The following HTR1F variants were observed in gnomAD, a reference collection of about 807,000 sequenced individuals.
HTR1F encodes the protein 5-hydroxytryptamine receptor 1F.
In HTR1F, 17 loss-of-function variants were observed where a neutral mutation model predicts 24.0. That is an observed-to-expected ratio of 0.71 (90% confidence interval 0.48 to 1.06). The LOEUF is 1.06. Ranked by LOEUF, HTR1F falls within the 50% of genes least tolerant of loss-of-function variation. The pLI is 0.00. For missense variants in HTR1F, 391 were observed against 427.8 expected, an observed-to-expected ratio of 0.91 and a Z score of 0.76; for synonymous variants, 186 against 156.8, an observed-to-expected ratio of 1.19 and a Z score of -1.39.
At chr3:87,933,141 C>G (rs972996100) in intron 2 of HTR1F, among the ~76,000 whole-genome samples, 4 of 151,924 alleles carry the variant, frequency 2.6e-5, no homozygotes, top group Non-Finnish European at 5.9e-5. Context: ...AGGCCTTTCA[C>G]AAAATTCAAC....
intron 2 of HTR1F, among the ~76,000 whole-genome samples, chr3:87,887,505 C>T (rs1393033939): frequency 6.6e-6 from 1 of 152,108 alleles, no homozygotes; most frequent in African/African-American, 2.4e-5. Flanking sequence ...AGCTTCTGCA[C>T]AGCAAAAGAA....
intron 2 of HTR1F, among the ~76,000 whole-genome samples, chr3:87,856,630 A>T (rs1705204974): frequency 6.6e-6 from 1 of 152,170 alleles, no homozygotes; most frequent in African/African-American, 2.4e-5. Flanking sequence ...ATTTCTTCCA[A>T]CAGTACAGAG....
chr3:87,809,495 A>C (rs1304669742), intron 1 of HTR1F, among the ~76,000 whole-genome samples: 1 of 152,066 alleles, frequency 6.6e-6, no homozygotes, highest in Non-Finnish European at 1.5e-5. Context: ...TTTCTAATTG[A>C]CAAACTTAAC....
At chr3:87,840,587 C>T (rs1704780659) in intron 2 of HTR1F, among the ~76,000 whole-genome samples, 1 of 152,110 alleles carries the variant, frequency 6.6e-6, no homozygotes, top group East Asian at 1.9e-4. Flanking sequence ...TCCAGCAATC[C>T]CACTACTGGA....
intron 2 of HTR1F, among the ~76,000 whole-genome samples, chr3:87,899,207 A>C (rs2107321688): frequency 6.6e-6 from 1 of 152,362 alleles, no homozygotes; most frequent in East Asian, 1.9e-4. Flanking sequence ...AAACCAAAGC[A>C]ACTGATATCC....
intron 2 of HTR1F, among the ~76,000 whole-genome samples, chr3:87,838,152 A>G (rs1386059222): frequency 6.6e-6 from 1 of 152,168 alleles, no homozygotes. Context: ...AATAATTGCT[A>G]ATAGAAATTG....
At chr3:87,968,531 G>A (rs1040430451) in intron 2 of HTR1F, among the ~76,000 whole-genome samples, 6 of 151,968 alleles carry the variant, frequency 3.9e-5, no homozygotes, top group Admixed American at 1.3e-4. Flanking sequence ...AAATTTCTAA[G>A]CAGCAAAGAA....
In HTR1F at chr3:87,957,336, A is replaced by G. The variant is rs1704966110; in HGVS notation, c.-42-33372A>G. On this transcript the variant is annotated intron_variant, in intron 2 of 2. Transcript: ENST00000319595. ...GGTCAGGATATGTTATCTTTTATAAATATTGCAGGATTCAACTGCTAACAT... is the reference window on the plus strand; with the variant it reads ...GGTCAGGATATGTTATCTTTTATAAGTATTGCAGGATTCAACTGCTAACAT... 2.0e-5 allele frequency among the ~76,000 whole-genome samples: 3 copies of G among 151,484 alleles called. No individual in the cohort carries two copies. In the South Asian group the frequency reaches 6.2e-4, roughly 31 times the overall value.
chr3:87,805,975 T>A (rs548944911), intron 1 of HTR1F, among the ~76,000 whole-genome samples: 34 of 152,012 alleles, frequency 2.2e-4, no homozygotes, highest in Non-Finnish European at 4.7e-4. Context: ...TGAGAGCAAC[T>A]TTTTTTAGCT....
chr3:87,859,067 G>C (rs542048341), intron 2 of HTR1F, among the ~76,000 whole-genome samples: 1 of 152,256 alleles, frequency 6.6e-6, no homozygotes, highest in South Asian at 2.1e-4. Context: ...CTTGGTGGTA[G>C]ATGCCTGTAA....
chr3:87,859,439 G>T (rs2107225644), intron 2 of HTR1F, among the ~76,000 whole-genome samples: 1 of 152,290 alleles, frequency 6.6e-6, no homozygotes, highest in East Asian at 1.9e-4. Flanking sequence ...ATAGAATGCT[G>T]CTTCTACAGT....
chr3:87,871,940 C>T (rs1705567484), intron 2 of HTR1F, among the ~76,000 whole-genome samples: 1 of 152,018 alleles, frequency 6.6e-6, no homozygotes, highest in South Asian at 2.1e-4. Context: ...ATATTCTACC[C>T]AACAACAGTG....
chr3:87,807,837 T>C (rs1320540342), intron 1 of HTR1F, among the ~76,000 whole-genome samples: 2 of 151,994 alleles, frequency 1.3e-5, no homozygotes, highest in Non-Finnish European at 2.9e-5. Flanking sequence ...GAAAGGATGA[T>C]GAATTTTATT....
rs1703591652 is a variant in HTR1F, at chr3:87,903,896, C to G, written c.-43+81772C>G. 2.0e-5 allele frequency among the ~76,000 whole-genome samples: 3 copies of G among 152,176 alleles called. No homozygotes were observed. In the South Asian group the frequency reaches 6.2e-4, roughly 31 times the overall value. ...AACCCAAATGTCCAGCAATGATACA[C>G]AGCTAAGAATTTCTAATAACCAAAC... On this transcript the variant is annotated intron_variant, in intron 2 of 2. Coordinates refer to ENST00000319595, the MANE Select transcript of HTR1F (RefSeq NM_001322209.2).
At chr3:87,813,610 G>A (rs1704197302) in intron 1 of HTR1F, among the ~76,000 whole-genome samples, 1 of 152,160 alleles carries the variant, frequency 6.6e-6, no homozygotes, top group South Asian at 2.1e-4. Flanking sequence ...GCCAGGGGCA[G>A]AATGATATTG....
intron 2 of HTR1F, among the ~76,000 whole-genome samples, chr3:87,828,226 A>G (rs143567809): frequency 6.6e-6 from 1 of 152,284 alleles, no homozygotes; most frequent in East Asian, 1.9e-4. Flanking sequence ...ACTTTCAAAA[A>G]CCCACTTTGT....
rs1372854797 is a variant in HTR1F, at chr3:87,990,971, C to G, written c.222C>G (p.Val74=). The change falls in exon 3 of 3, where the codon GTC becomes GTG. Residue 74 remains valine (V), a synonymous_variant. Coordinates refer to ENST00000319595, the MANE Select transcript of HTR1F (RefSeq NM_001322209.2). ...CAGTCACAGATTTTCTTGTGGCTGT[C>G]CTGGTGATGCCCTTCAGCATTGTGT... ...SLAVTDFLVA[V]LVMPFSIVYI... is the part of the protein sequence containing the mutation. 1.2e-6 allele frequency: 2 copies of G among 1,614,116 alleles called. No individual in the cohort carries two copies. The highest frequency in any genetic ancestry group is 1.7e-6 in the Non-Finnish European group (2 of 1,180,004).
chr3:87,891,260 T>G (rs920031494), intron 2 of HTR1F, among the ~76,000 whole-genome samples: 6 of 152,088 alleles, frequency 3.9e-5, no homozygotes, highest in African/African-American at 1.5e-4. Context: ...CAAAGAGATA[T>G]CTAATAAAAA....
intron 2 of HTR1F, among the ~76,000 whole-genome samples, chr3:87,873,268 G>A (rs1255624409): frequency 6.6e-6 from 1 of 152,062 alleles, no homozygotes; most frequent in Non-Finnish European, 1.5e-5. Flanking sequence ...AAAAGTCTGA[G>A]AACCAGAGGA....
Sources: allele counts gnomAD v4.1 joint callset (sites outside exome capture counted in the v4.1 genomes callset), GRCh38; gene constraint gnomAD v4.1.1; transcripts MANE v1.5; gene names NCBI Gene and HGNC (gene_info 2026-07-23, HGNC 2026-07-21).